Variants in SMG7 observed in about 807,000 individuals in gnomAD.
The protein encoded by SMG7 is SMG7 nonsense mediated mRNA decay factor.
In SMG7, 34 loss-of-function variants were observed where a neutral mutation model predicts 148.2. That is an observed-to-expected ratio of 0.23 (90% CI 0.17 to 0.31). The LOEUF (loss-of-function observed/expected upper bound fraction) is 0.31, where lower values mean the gene tolerates loss of function less well. SMG7 is among the 10% of genes least tolerant of loss of function. The pLI is 1.00. For synonymous variants in SMG7, 492 were observed against 515.1 expected (o/e 0.96, Z 0.61); for missense variants, 1,114 against 1,408.4 (o/e 0.79, Z 3.35).
chr1:183,477,810 CTA>C (rs576507627), intron 1 of SMG7, among the ~76,000 whole-genome samples: 1,903 of 151,444 alleles, frequency 0.013, 47 homozygotes, highest in African/African-American at 0.044. Context: ...GTATATGTGT[CTA>C]TGCACATATG....
intron 1 of SMG7, among the ~76,000 whole-genome samples, chr1:183,491,086 C>T (rs1010101996): frequency 3.3e-5 from 5 of 152,182 alleles, no homozygotes; most frequent in Non-Finnish European, 5.9e-5. Flanking sequence ...CTTTTAGACC[C>T]CTTGCAGTCA....
chr1:183,502,449 T>C, intron 1 of SMG7: 1 of 1,357,274 alleles, frequency 7.4e-7, no homozygotes, highest in Non-Finnish European at 1.0e-6. Context: ...GAGATGTGTA[T>C]TATTCATACT....
intron 1 of SMG7, among the ~76,000 whole-genome samples, chr1:183,493,378 A>T (rs2702203): frequency 0.35 from 53,358 of 152,006 alleles, 9,546 homozygotes; most frequent in East Asian, 0.52. Context: ...TTATATATAT[A>T]TTTTTAAATT....
chr1:183,531,528 G>A (rs975185256), intron 8 of SMG7, among the ~76,000 whole-genome samples: 5 of 152,076 alleles, frequency 3.3e-5, no homozygotes, highest in Non-Finnish European at 4.4e-5. Context: ...CATTCACTAA[G>A]TGTTTATTAA....
chr1:183,524,263 C>G (rs1441244498), intron 4 of SMG7, among the ~76,000 whole-genome samples: 1 of 151,934 alleles, frequency 6.6e-6, no homozygotes, highest in South Asian at 2.1e-4. Flanking sequence ...TTTTGTTTCA[C>G]TTTATTTTCA....
At position 183,523,897 on chromosome 1, in the gene SMG7, A is replaced by G. The variant is rs149259760; in HGVS notation, c.313-2699A>G. ...TTGAAGTCAGTTCTTTAACCCTCTC[A>G]TGTTTCTTAGTTATCCACTTTTGTT... On this transcript the variant is annotated intron_variant, in intron 4 of 22. Transcript: ENST00000688051. Among the ~76,000 whole-genome samples, 216 of 150,418 alleles carry G rather than the reference A, an allele frequency of 1.4e-3. 2 individuals are homozygous for G. The highest frequency in any genetic ancestry group is 5.1e-3 in the African/African-American group (209 of 41,002).
Position 183,538,456 on chromosome 1 carries a change from A to G in SMG7, c.1295+16A>G. 6.4e-7 allele frequency: 1 copy of G among 1,560,922 alleles called. No individual in the cohort carries two copies. The highest frequency in any genetic ancestry group is 8.8e-7 in the Non-Finnish European group (1 of 1,131,476). ...CTTCTTTCAGGTAGGTGATAGCTGA[A>G]GTACCTTTATCATTGCCAGTGATTG... On this transcript the variant is annotated intron_variant, in intron 12 of 22. Transcript: ENST00000688051.
rs551227280 is a variant in SMG7, at chr1:183,474,770, A to G, written c.29+2121A>G. Reference sequence around the variant, plus strand: ...CTGAGAATAGAAAAAGAACAACTCCACCCTCCTTTTACAGAGCTTACACTT... The same window carrying G: ...CTGAGAATAGAAAAAGAACAACTCCGCCCTCCTTTTACAGAGCTTACACTT... On this transcript the variant is annotated intron_variant, in intron 1 of 22. Transcript: ENST00000688051. Among the ~76,000 whole-genome samples, 8 of 152,154 alleles carry G rather than the reference A, an allele frequency of 5.3e-5. No individual in the cohort carries two copies. In the South Asian group the frequency reaches 1.2e-3, roughly 24 times the overall value.
chr1:183,552,961 A>G lies in SMG7; in HGVS notation c.*1030A>G, dbSNP rs1671291033. ...TGTTTTTATTCCTAATGTGTGCAAC[A>G]TCACATCTCCCCAAGAAGCAACAGC... On this transcript the variant is annotated 3_prime_UTR_variant, in exon 23 of 23. Coordinates refer to ENST00000688051, the MANE Select transcript of SMG7 (RefSeq NM_001375584.1). The G allele has an allele frequency of 9.8e-6, 15 of 1,535,658 alleles. No individual in the cohort carries two copies. The highest frequency in any genetic ancestry group is 1.1e-5 in the Non-Finnish European group (13 of 1,146,518).
intron 13 of SMG7, 55 bp downstream of exon 13, chr1:183,541,158 A>T: frequency 1.3e-6 from 2 of 1,542,094 alleles, no homozygotes; most frequent in Non-Finnish European, 1.8e-6. Context: ...AGATAAACAC[A>T]TGCGCGCACA....
chr1:183,514,003 C>T (rs1304501503), intron 2 of SMG7, among the ~76,000 whole-genome samples: 2 of 139,650 alleles, frequency 1.4e-5, no homozygotes, highest in East Asian at 2.1e-4. Context: ...GCACTCCAGC[C>T]TGGGCGACAG....
rs1373195502 is a variant in SMG7, at chr1:183,551,135, C to T, written c.3395C>T (p.Thr1132Ile). Residue 1132 changes from threonine to isoleucine, a missense_variant, in exon 22 of 23, where the codon ACA becomes ATA. Transcript: ENST00000688051. ...GCCAGCACTCCGAGTGGCACCTGGA[C>T]AGGCCATGGCCCTTCCATGGAGGAT... ...HQASTPSGTW[T>I]GHGPSMEDSS... The T allele has an allele frequency of 3.1e-6, 5 of 1,601,946 alleles. No homozygotes were observed. In the South Asian group the frequency reaches 5.6e-5, roughly 18 times the overall value.
intron 4 of SMG7, among the ~76,000 whole-genome samples, chr1:183,525,167 A>C (rs1167308607): frequency 6.6e-6 from 1 of 152,200 alleles, no homozygotes; most frequent in Admixed American, 6.5e-5. Context: ...TGGCAAGCAA[A>C]GTGAGAGGAG....
intron 1 of SMG7, among the ~76,000 whole-genome samples, chr1:183,485,444 A>G (rs1025032566): frequency 1.3e-5 from 2 of 152,138 alleles, no homozygotes; most frequent in Non-Finnish European, 2.9e-5. Flanking sequence ...TTTTTCTTGT[A>G]TATTTGAAAT....
At position 183,540,977 on chromosome 1, in the gene SMG7, A is replaced by G. The variant is rs1668713223; in HGVS notation, c.1296-7A>G. On this transcript the variant is annotated splice_region_variant and splice_polypyrimidine_tract_variant and intron_variant, in intron 12 of 22. Transcript: ENST00000688051. ...ATATTCTCATAACTTGCTTGTGTCAATTTTAGGAACTTGGATTTTTCCAAA... is the reference window on the plus strand; with the variant it reads ...ATATTCTCATAACTTGCTTGTGTCAGTTTTAGGAACTTGGATTTTTCCAAA... 2 of 1,611,256 alleles carry G rather than the reference A, an allele frequency of 1.2e-6. No homozygotes were observed. Among genetic ancestry groups the G allele is most frequent in the South Asian group, 1.1e-5 (1 of 90,738 alleles).
intron 13 of SMG7, among the ~76,000 whole-genome samples, chr1:183,541,722 C>T (rs988968964): frequency 6.6e-6 from 1 of 152,166 alleles, no homozygotes; most frequent in Admixed American, 6.6e-5. Context: ...AATGAACTTA[C>T]CACCTCCAAG....
chr1:183,534,175 G>A (rs1667336148), intron 10 of SMG7, among the ~76,000 whole-genome samples: 1 of 149,878 alleles, frequency 6.7e-6, no homozygotes, highest in Admixed American at 6.6e-5. Flanking sequence ...TGTTTGAGTT[G>A]AAGGGAAGAG....
At chr1:183,477,795 T>C (rs570729828) in intron 1 of SMG7, among the ~76,000 whole-genome samples, 2 of 152,096 alleles carry the variant, frequency 1.3e-5, no homozygotes, top group East Asian at 1.9e-4. Context: ...TATGTATACA[T>C]ATATGTATAT....
intron 1 of SMG7, among the ~76,000 whole-genome samples, chr1:183,494,179 T>G (rs1436941047): frequency 2.0e-5 from 3 of 152,020 alleles, no homozygotes; most frequent in Non-Finnish European, 4.4e-5. Flanking sequence ...TTATGAACTG[T>G]CTTACTCTTT....
Sources: gnomAD v4.1 joint callset for allele counts (sites outside exome capture counted in the v4.1 genomes callset) on GRCh38, gnomAD v4.1.1 for gene constraint, MANE v1.5 for transcripts, NCBI Gene and HGNC (gene_info 2026-07-23, HGNC 2026-07-21) for gene names.